Variants in IGFBP7 observed in about 807,000 individuals in gnomAD.
The protein encoded by IGFBP7 is insulin like growth factor binding protein 7.
In IGFBP7, 31 loss-of-function variants were observed where a neutral mutation model predicts 29.4. The ratio of observed to expected loss-of-function variants is 1.05; its 90% CI spans 0.79 to 1.42. IGFBP7 has a LOEUF of 1.42. Ranked by LOEUF, IGFBP7 falls within the 40% of genes most tolerant of loss-of-function variation. The pLI is 0.00. For synonymous variants in IGFBP7, 172 were observed against 174.9 expected (o/e 0.98, Z 0.13); for missense variants, 393 against 395.5 (o/e 0.99, Z 0.05).
At chr4:57,053,882 G>C (rs13110858) in intron 1 of IGFBP7, among the ~76,000 whole-genome samples, 35,916 of 151,922 alleles carry the variant, frequency 0.24, 4,552 homozygotes, top group East Asian at 0.34. Context: ...TTTTGCTAGC[G>C]CTTTCTTATT....
At chr4:57,101,762 G>A (rs1391655370) in intron 1 of IGFBP7, among the ~76,000 whole-genome samples, 5 of 149,532 alleles carry the variant, frequency 3.3e-5, no homozygotes, top group East Asian at 2.0e-4. Flanking sequence ...TGGAGGAGAC[G>A]GTCTTGATTG....
Position 57,110,314 on chromosome 4 carries a change from G to A in IGFBP7, c.38C>T (p.Ala13Val). Reference sequence around the variant, plus strand: ...CAGGAGCAGGAGCAGCAGCCCAGCGGCGCCGAGGAGCAGGGCGCGCAGCGA... The same window carrying A: ...CAGGAGCAGGAGCAGCAGCCCAGCGACGCCGAGGAGCAGGGCGCGCAGCGA... ...RPSLRALLLGAAGLLLLLLPL... is the reference protein window; with the variant it reads ...RPSLRALLLGVAGLLLLLLPL... The change falls in exon 1 of 5, where the codon GCC becomes GTC. Residue 13 changes from alanine (A) to valine (V), a missense_variant. Physicochemically the swap from Ala to Val is moderately conservative, Grantham distance 64. Transcript: ENST00000295666. 1 of 1,411,058 alleles carries A rather than the reference G, an allele frequency of 7.1e-7. No individual in the cohort carries two copies. The highest frequency in any genetic ancestry group is 9.2e-7 in the Non-Finnish European group (1 of 1,081,436). The allele number at this position is 1,411,058 out of a possible 1,614,324, so 87.4% of individuals were successfully genotyped here.
chr4:57,069,591 G>A (rs1462194350), intron 1 of IGFBP7, among the ~76,000 whole-genome samples: 1 of 152,072 alleles, frequency 6.6e-6, no homozygotes, highest in Admixed American at 6.5e-5. Flanking sequence ...TTGACTCCAG[G>A]AGTTTGAGGC....
rs532193285 is a variant in IGFBP7, at chr4:57,099,762, CT to C, written c.475+10114del. 8.5e-5 allele frequency among the ~76,000 whole-genome samples: 13 copies of C among 152,270 alleles called. No individual in the cohort carries two copies. The South Asian group carries it at 2.7e-3, about 32-fold the overall frequency. Reference sequence around the variant, plus strand: ...TTCCTATTTTTTGAGACAGGGTCTCCTTCTGTCATCCAGGCTGGAGTGCAGT... The same window carrying C: ...TTCCTATTTTTTGAGACAGGGTCTCCTCTGTCATCCAGGCTGGAGTGCAGT... On this transcript the variant is annotated intron_variant, in intron 1 of 4. Transcript: ENST00000295666.
At chr4:57,088,467 A>C (rs1339281853) in intron 1 of IGFBP7, among the ~76,000 whole-genome samples, 1 of 152,122 alleles carries the variant, frequency 6.6e-6, no homozygotes, top group Non-Finnish European at 1.5e-5. Context: ...TACCACTCTC[A>C]GTTTCTGCTT....
chr4:57,100,790 G>A (rs570579577), intron 1 of IGFBP7, among the ~76,000 whole-genome samples: 5 of 152,378 alleles, frequency 3.3e-5, no homozygotes, highest in African/African-American at 1.2e-4. Flanking sequence ...AGCACAGAGA[G>A]TCAATGTTGC....
intron 1 of IGFBP7, among the ~76,000 whole-genome samples, chr4:57,045,427 T>C (rs189812261): frequency 6.6e-5 from 10 of 152,348 alleles, no homozygotes; most frequent in African/African-American, 2.4e-4. Context: ...TGGAAAGTGC[T>C]AAGAAATAAG....
chr4:57,100,506 T>C (rs1451157000), intron 1 of IGFBP7, among the ~76,000 whole-genome samples: 2 of 152,236 alleles, frequency 1.3e-5, no homozygotes, highest in East Asian at 3.8e-4. Flanking sequence ...GCACAGCATA[T>C]ATGTACCATA....
intron 1 of IGFBP7, among the ~76,000 whole-genome samples, chr4:57,088,986 C>T (rs558143728): frequency 7.1e-6 from 1 of 141,092 alleles, no homozygotes; most frequent in South Asian, 2.3e-4. Flanking sequence ...GAGTGGAGAT[C>T]ACACCACTGC....
chr4:57,068,566 TG>T (rs1282135200), intron 1 of IGFBP7, among the ~76,000 whole-genome samples: 2 of 152,140 alleles, frequency 1.3e-5, no homozygotes, highest in Non-Finnish European at 2.9e-5. Context: ...AGTGCATGGT[TG>T]GAGTCAAAAA....
At chr4:57,087,855 G>A (rs895414490) in intron 1 of IGFBP7, among the ~76,000 whole-genome samples, 1 of 152,234 alleles carries the variant, frequency 6.6e-6, no homozygotes, top group Admixed American at 6.5e-5. Flanking sequence ...ATCACTGTTA[G>A]TCAATGTATA....
At chr4:57,071,707 T>G (rs1459519258) in intron 1 of IGFBP7, among the ~76,000 whole-genome samples, 2 of 152,224 alleles carry the variant, frequency 1.3e-5, no homozygotes, top group Non-Finnish European at 2.9e-5. Context: ...TATTTGGTCA[T>G]GGAGGCTAGC....
intron 1 of IGFBP7, among the ~76,000 whole-genome samples, chr4:57,065,203 C>A (rs1445001330): frequency 6.6e-6 from 1 of 152,204 alleles, no homozygotes; most frequent in Non-Finnish European, 1.5e-5. Flanking sequence ...GGTGCCGGCT[C>A]GCCCACAAGC....
chr4:57,043,815 G>A (rs1474252968), intron 1 of IGFBP7, among the ~76,000 whole-genome samples: 2 of 152,180 alleles, frequency 1.3e-5, no homozygotes, highest in Non-Finnish European at 2.9e-5. Context: ...TCCTAGTCTG[G>A]ATGCAGCAAT....
intron 2 of IGFBP7, among the ~76,000 whole-genome samples, chr4:57,035,142 C>CA (rs1275004104): frequency 6.6e-6 from 1 of 152,164 alleles, no homozygotes; most frequent in Non-Finnish European, 1.5e-5. Flanking sequence ...TACTGAATCT[C>CA]AGCAACTAAG....
chr4:57,054,176 C>A (rs1724583258), intron 1 of IGFBP7, among the ~76,000 whole-genome samples: 1 of 152,074 alleles, frequency 6.6e-6, no homozygotes, highest in South Asian at 2.1e-4. Flanking sequence ...GGAGTCCCTG[C>A]CCACTCTCAG....
intron 1 of IGFBP7, chr4:57,072,790 C>A: frequency 1.8e-6 from 1 of 544,160 alleles, no homozygotes. Context: ...TGGGGACCAT[C>A]CATTGAGCAG....
At chr4:57,037,730 G>C (rs1186776462) in intron 2 of IGFBP7, among the ~76,000 whole-genome samples, 1 of 152,172 alleles carries the variant, frequency 6.6e-6, no homozygotes, top group Non-Finnish European at 1.5e-5. Flanking sequence ...GCCAAGATTT[G>C]CCAATAAGGT....
intron 1 of IGFBP7, among the ~76,000 whole-genome samples, chr4:57,059,061 G>C (rs557242781): frequency 5.3e-5 from 8 of 152,280 alleles, no homozygotes; most frequent in African/African-American, 1.7e-4. Context: ...TCTTACACCA[G>C]TCAGAATTGC....
Sources: allele counts gnomAD v4.1 joint callset (sites outside exome capture counted in the v4.1 genomes callset), GRCh38; gene constraint gnomAD v4.1.1; transcripts MANE v1.5; gene names NCBI Gene and HGNC (gene_info 2026-07-23, HGNC 2026-07-21).